The following PLEKHA2 variants were observed in gnomAD, a reference collection of about 807,000 sequenced individuals.
The protein encoded by PLEKHA2 is pleckstrin homology domain-containing family A member 2.
A neutral mutation model predicts 53.2 loss-of-function variants in PLEKHA2; 28 were observed. The ratio of observed to expected loss-of-function variants is 0.53; its 90% CI spans 0.39 to 0.72. PLEKHA2 has a LOEUF of 0.72. Among genes scored for constraint, PLEKHA2 ranks in the 30% least tolerant of loss-of-function variants. PLEKHA2 has a pLI of 0.00. For synonymous variants in PLEKHA2, 193 were observed against 196.4 expected (o/e 0.98, Z 0.14); for missense variants, 426 against 537.9 (o/e 0.79, Z 2.06).
At chr8:38,966,795 CTT>C (rs74885024) in intron 10 of PLEKHA2, among the ~76,000 whole-genome samples, 1 of 148,506 alleles carries the variant, frequency 6.7e-6, no homozygotes, top group African/African-American at 2.5e-5. Context: ...AGTCACAACT[CTT>C]TTTTTTTTGT....
At chr8:38,928,569 T>C (rs1013899476) in intron 2 of PLEKHA2, among the ~76,000 whole-genome samples, 1 of 152,112 alleles carries the variant, frequency 6.6e-6, no homozygotes, top group Non-Finnish European at 1.5e-5. Context: ...TTTAAGTCTC[T>C]GTCACCAGAG....
chr8:38,906,844 T>A (rs1833884648), intron 1 of PLEKHA2, among the ~76,000 whole-genome samples: 1 of 152,234 alleles, frequency 6.6e-6, no homozygotes, highest in South Asian at 2.1e-4. Flanking sequence ...TGATGTATGC[T>A]GCAAATCTGA....
chr8:38,940,520 C>T, intron 3 of PLEKHA2, among the ~76,000 whole-genome samples: 1 of 151,976 alleles, frequency 6.6e-6, no homozygotes, highest in East Asian at 1.9e-4. Context: ...GCAGAACAAC[C>T]AGGAGTTATG....
At chr8:38,962,808 A>G (rs1835062892) in intron 10 of PLEKHA2, among the ~76,000 whole-genome samples, 1 of 152,208 alleles carries the variant, frequency 6.6e-6, no homozygotes, top group South Asian at 2.1e-4. Context: ...CAATAAGTGG[A>G]CTCAAGTGAG....
chr8:38,963,028 G>A (rs1835067549), intron 10 of PLEKHA2, among the ~76,000 whole-genome samples: 1 of 152,138 alleles, frequency 6.6e-6, no homozygotes, highest in Non-Finnish European at 1.5e-5. Flanking sequence ...TTTGGATAGC[G>A]GCAATGGCAG....
At chr8:38,967,973 T>A (rs1232291529) in intron 10 of PLEKHA2, among the ~76,000 whole-genome samples, 1 of 152,176 alleles carries the variant, frequency 6.6e-6, no homozygotes, top group African/African-American at 2.4e-5. Flanking sequence ...CACTTTTTAA[T>A]GGGATGATTT....
rs1034472761 is a variant in PLEKHA2 at position 38,946,230 on chromosome 8, G to C, written c.345+9G>C. ...AAGCCAGCAAGATCACCGTAAGTTT[G>C]GTTTCTTCTGTTTTCTGGTGGTAGT... is the stretch of plus-strand genomic sequence containing the variant. On this transcript the variant is annotated intron_variant, in intron 5 of 11. Coordinates refer to ENST00000617275, the MANE Select transcript of PLEKHA2 (RefSeq NM_021623.2). 1 of 1,586,700 alleles carries C rather than the reference G, an allele frequency of 6.3e-7. No homozygotes were observed. Among genetic ancestry groups the C allele is most frequent in the East Asian group, 2.3e-5 (1 of 44,080 alleles).
chr8:38,902,068 AG>A (rs1833795051), intron 1 of PLEKHA2: 1 of 152,300 alleles, frequency 6.6e-6, no homozygotes, highest in African/African-American at 2.4e-5. Context: ...CCTAAAATGC[AG>A]GTTCGGTGCC....
At chr8:38,967,908 C>T (rs927343971) in intron 10 of PLEKHA2, among the ~76,000 whole-genome samples, 2 of 152,068 alleles carry the variant, frequency 1.3e-5, no homozygotes, top group African/African-American at 4.8e-5. Flanking sequence ...GCAATCCACC[C>T]GCCTCGACCT....
intron 2 of PLEKHA2, among the ~76,000 whole-genome samples, chr8:38,918,743 C>T (rs552846586): frequency 0.011 from 1,621 of 149,444 alleles, 20 homozygotes; most frequent in African/African-American, 0.038. Flanking sequence ...CATGCGCACA[C>T]GCACACACCA....
At chr8:38,961,802 C>T (rs1040486654) in intron 10 of PLEKHA2, among the ~76,000 whole-genome samples, 34 of 148,978 alleles carry the variant, frequency 2.3e-4, no homozygotes, top group African/African-American at 7.0e-4. Context: ...GGGTTAGATT[C>T]TAACCACTTA....
chr8:38,950,700 A>G, intron 5 of PLEKHA2, 150 bp from the exon 6 acceptor site: 1 of 896,188 alleles, frequency 1.1e-6, no homozygotes, highest in Non-Finnish European at 1.7e-6. Context: ...TCATATTCAG[A>G]TTTGGACTGT....
At chr8:38,931,391 T>C (rs1358098839) in intron 2 of PLEKHA2, among the ~76,000 whole-genome samples, 1 of 152,230 alleles carries the variant, frequency 6.6e-6, no homozygotes, top group Non-Finnish European at 1.5e-5. Flanking sequence ...CGCCTTCATC[T>C]TGACGCTTCC....
At chr8:38,943,874 T>C (rs1834658385) in intron 4 of PLEKHA2, 37 bp downstream of exon 4, 2 of 1,516,168 alleles carry the variant, frequency 1.3e-6, no homozygotes, top group African/African-American at 1.4e-5. Context: ...CATTTAATAT[T>C]GACATGGCAA....
chr8:38,947,216 G>A (rs2129421360), intron 5 of PLEKHA2, among the ~76,000 whole-genome samples: 1 of 152,326 alleles, frequency 6.6e-6, no homozygotes, highest in East Asian at 1.9e-4. Flanking sequence ...GCTCACGCTT[G>A]TAATTCCAGC....
chr8:38,920,628 GTGA>G (rs1208886084), intron 2 of PLEKHA2, among the ~76,000 whole-genome samples: 1 of 149,902 alleles, frequency 6.7e-6, no homozygotes, highest in Admixed American at 6.6e-5. Flanking sequence ...CTGGAGTGCA[GTGA>G]TGCAATCATA....
rs950783561 is a variant in PLEKHA2, at chr8:38,971,913, C to T, written c.*2130C>T. On this transcript the variant is annotated 3_prime_UTR_variant, in exon 12 of 12. Coordinates refer to ENST00000617275, the MANE Select transcript of PLEKHA2 (RefSeq NM_021623.2). ...AGTGAGCCAAGATCGCGCCACTGCA[C>T]TCCAGCCTGGGCGACAGAGCAAGAC... The T allele has an allele frequency of 2.6e-5, 4 of 151,972 alleles. No individual in the cohort carries two copies. The highest frequency in any genetic ancestry group is 9.7e-5 in the African/African-American group (4 of 41,382). The allele number at this position is 151,972 out of a possible 1,614,324, so 9.4% of individuals were successfully genotyped here.
intron 11 of PLEKHA2, 105 bp from the exon 12 acceptor site, chr8:38,969,316 A>C (rs934327383): frequency 7.5e-7 from 1 of 1,340,458 alleles, no homozygotes; most frequent in Non-Finnish European, 1.0e-6. Flanking sequence ...CCTTGGACTT[A>C]TGAGGTGGTG....
In PLEKHA2 at chr8:38,935,255, C is replaced by T. The variant is rs571943036; in HGVS notation, c.142-739C>T. On this transcript the variant is annotated intron_variant, in intron 2 of 11. Coordinates refer to ENST00000617275, the MANE Select transcript of PLEKHA2 (RefSeq NM_021623.2). ...AACTCCTGACTTGAGGTGATCCTCC[C>T]GCCTCAGCCTTCCAAAGTGCTGGGA... Among the ~76,000 whole-genome samples, 16 of 152,172 alleles carry T rather than the reference C, an allele frequency of 1.1e-4. No individual in the cohort carries two copies. In the East Asian group the frequency reaches 1.4e-3, roughly 13 times the overall value.
Sources: allele counts gnomAD v4.1 joint callset (sites outside exome capture counted in the v4.1 genomes callset), GRCh38; gene constraint gnomAD v4.1.1; transcripts MANE v1.5; gene names NCBI Gene and HGNC (gene_info 2026-07-23, HGNC 2026-07-21).